KCNIP4: variants seen among roughly 807,000 people sequenced by gnomAD.
The protein encoded by KCNIP4 is potassium voltage-gated channel interacting protein 4, also known as Kv channel-interacting protein 4.
A neutral mutation model predicts 34.0 loss-of-function variants in KCNIP4; 12 were observed. The ratio of observed to expected loss-of-function variants is 0.35; its 90% CI spans 0.23 to 0.57. The LOEUF (loss-of-function observed/expected upper bound fraction) is 0.57, where lower values mean the gene tolerates loss of function less well. Ranked by LOEUF, KCNIP4 falls within the 20% of genes least tolerant of loss-of-function variation. The pLI, the probability that KCNIP4 is intolerant of heterozygous loss-of-function variation, is 0.83. For synonymous variants in KCNIP4, 124 were observed against 102.2 expected (o/e 1.21, Z -1.29); for missense variants, 238 against 311.7 (o/e 0.76, Z 1.78).
chr4:20,871,746 T>C (rs1010100141), intron 2 of KCNIP4, among the ~76,000 whole-genome samples: 1 of 152,140 alleles, frequency 6.6e-6, no homozygotes, highest in Non-Finnish European at 1.5e-5. Context: ...ATAAACAGTG[T>C]CTCTCTTTGA....
At chr4:21,896,487 C>T (rs550958909) in intron 1 of KCNIP4, among the ~76,000 whole-genome samples, 1 of 151,978 alleles carries the variant, frequency 6.6e-6, no homozygotes, top group African/African-American at 2.4e-5. Context: ...GAAGACCTGG[C>T]TTGTTGGAAG....
intron 1 of KCNIP4, among the ~76,000 whole-genome samples, chr4:21,491,571 C>G (rs1395336902): frequency 6.6e-6 from 1 of 152,030 alleles, no homozygotes; most frequent in African/African-American, 2.4e-5. Context: ...AGAGGTCTGG[C>G]TATGTTGCCC....
At chr4:21,054,958 A>G (rs754718001) in intron 1 of KCNIP4, among the ~76,000 whole-genome samples, 5 of 152,156 alleles carry the variant, frequency 3.3e-5, no homozygotes, top group Non-Finnish European at 5.9e-5. Context: ...CTGCTAAAGG[A>G]AATGTTAAGA....
chr4:21,486,683 AAT>A (rs1393246056), intron 1 of KCNIP4, among the ~76,000 whole-genome samples: 2 of 152,190 alleles, frequency 1.3e-5, no homozygotes, highest in Admixed American at 1.3e-4. Flanking sequence ...AAAATTTTAG[AAT>A]AGTTTTATGT....
At chr4:21,072,270 G>A (rs372152750) in intron 1 of KCNIP4, among the ~76,000 whole-genome samples, 1 of 152,192 alleles carries the variant, frequency 6.6e-6, no homozygotes, top group Non-Finnish European at 1.5e-5. Flanking sequence ...CAGTGTAAAA[G>A]TGTTCCTATT....
At chr4:20,979,220 T>G (rs1464247463) in intron 1 of KCNIP4, among the ~76,000 whole-genome samples, 2 of 152,018 alleles carry the variant, frequency 1.3e-5, no homozygotes, top group Non-Finnish European at 2.9e-5. Context: ...ATAAGTATAT[T>G]GTTTCCAAAG....
chr4:21,099,969 T>G (rs903442173), intron 1 of KCNIP4, among the ~76,000 whole-genome samples: 5 of 152,170 alleles, frequency 3.3e-5, no homozygotes, highest in African/African-American at 1.2e-4. Context: ...AATCTCATGA[T>G]CAAACTACAA....
At chr4:21,554,985 C>A (rs145585392) in intron 1 of KCNIP4, among the ~76,000 whole-genome samples, 7 of 152,216 alleles carry the variant, frequency 4.6e-5, no homozygotes, top group African/African-American at 1.7e-4. Flanking sequence ...TAAACATAGA[C>A]TTTTTTCTTC....
intron 1 of KCNIP4, among the ~76,000 whole-genome samples, chr4:21,735,716 C>T (rs1715946450): frequency 6.6e-6 from 1 of 152,080 alleles, no homozygotes; most frequent in Non-Finnish European, 1.5e-5. Flanking sequence ...TCAGAGAAGA[C>T]TTCCTGGAAG....
chr4:21,165,696 A>T (rs1169775490), intron 1 of KCNIP4, among the ~76,000 whole-genome samples: 1 of 152,224 alleles, frequency 6.6e-6, no homozygotes, highest in Non-Finnish European at 1.5e-5. Flanking sequence ...GGACTCCATT[A>T]AATTTGAAAA....
At chr4:21,260,301 T>A (rs1187575842) in intron 1 of KCNIP4, among the ~76,000 whole-genome samples, 1 of 152,180 alleles carries the variant, frequency 6.6e-6, no homozygotes, top group Non-Finnish European at 1.5e-5. Flanking sequence ...TAGATAAAAA[T>A]TATATCTTTA....
chr4:21,014,213 A>T (rs1157801953), intron 1 of KCNIP4, among the ~76,000 whole-genome samples: 1 of 152,174 alleles, frequency 6.6e-6, no homozygotes, highest in Admixed American at 6.5e-5. Flanking sequence ...TTATCTTCAC[A>T]TCCAAGAGGT....
chr4:21,509,814 T>A (rs541885019), intron 1 of KCNIP4, among the ~76,000 whole-genome samples: 250 of 152,210 alleles, frequency 1.6e-3, no homozygotes, highest in African/African-American at 5.8e-3. Flanking sequence ...ATATCCCCTG[T>A]CTTTAAGAAC....
chr4:20,824,941 T>C (rs1034019119), intron 3 of KCNIP4, among the ~76,000 whole-genome samples: 2 of 152,334 alleles, frequency 1.3e-5, no homozygotes, highest in Middle Eastern at 3.4e-3. Context: ...TTAGACTCTC[T>C]GTTTAAAATT....
intron 1 of KCNIP4, among the ~76,000 whole-genome samples, chr4:21,226,963 C>A (rs1329190316): frequency 2.0e-5 from 3 of 152,136 alleles, no homozygotes; most frequent in Non-Finnish European, 4.4e-5. Flanking sequence ...GCCTCTGATT[C>A]TCTGAAATAC....
At chr4:21,840,078 C>A (rs1349881326) in intron 1 of KCNIP4, among the ~76,000 whole-genome samples, 1 of 151,954 alleles carries the variant, frequency 6.6e-6, no homozygotes, top group Admixed American at 6.6e-5. Context: ...CACATTGGTT[C>A]TTTACCATTA....
intron 1 of KCNIP4, among the ~76,000 whole-genome samples, chr4:21,439,528 T>G (rs1439421877): frequency 1.3e-5 from 2 of 152,202 alleles, no homozygotes; most frequent in African/African-American, 4.8e-5. Context: ...AATGTACACA[T>G]CTTCCAAGAC....
At chr4:21,369,909 T>TCTCTGC (rs1720162819) in intron 1 of KCNIP4, among the ~76,000 whole-genome samples, 1 of 144,464 alleles carries the variant, frequency 6.9e-6, no homozygotes, top group Admixed American at 6.8e-5. Flanking sequence ...GCAAGCTCTG[T>TCTCTGC]CTCTGCCTCC....
chr4:20,913,249 A>AAAAAT (rs1337412541), intron 1 of KCNIP4, among the ~76,000 whole-genome samples: 2 of 152,152 alleles, frequency 1.3e-5, no homozygotes, highest in South Asian at 4.1e-4. Flanking sequence ...CAAAAAAATA[A>AAAAAT]AAAATAAAAT....
Sources: allele counts gnomAD v4.1 joint callset (sites outside exome capture counted in the v4.1 genomes callset), GRCh38; gene constraint gnomAD v4.1.1; transcripts MANE v1.5; gene names NCBI Gene and HGNC (gene_info 2026-07-23, HGNC 2026-07-21).